The following SYNJ1 variants were observed in gnomAD, a reference collection of about 807,000 sequenced individuals.
The protein encoded by SYNJ1 is synaptojanin 1, also known as polyphosphatidylinositol phosphatase SYNJ1.
Under a neutral mutation model 168.2 loss-of-function variants are expected in SYNJ1, and 78 were observed. That is an observed-to-expected ratio of 0.46 (90% CI 0.39 to 0.56). The LOEUF (loss-of-function observed/expected upper bound fraction) is 0.56. SYNJ1 is among the 20% of genes least tolerant of loss of function. The pLI is 0.00. For synonymous variants in SYNJ1, 539 were observed against 548.6 expected, an observed-to-expected ratio of 0.98 and a Z score of 0.24; for missense variants, 1,303 against 1,597.6, an observed-to-expected ratio of 0.82 and a Z score of 3.14.
chr21:32,673,490 T>C lies in SYNJ1; in HGVS notation c.1576A>G (p.Lys526Glu). 6.2e-7 allele frequency: 1 copy of C among 1,613,328 alleles called. No individual in the cohort carries two copies. Residue 526 changes from lysine to glutamate, a missense_variant, in exon 14 of 33, where the codon AAA becomes GAA. By Grantham distance (56) the Lys-to-Glu change is moderately conservative. This residue lies in a region of SYNJ1 where 920 missense variants were observed against 1,208.8 expected (regional missense o/e 0.76). Coordinates refer to ENST00000674351, the MANE Select transcript of SYNJ1 (RefSeq NM_203446.3). ...VLKSMCENFY[K>E]YSKPKKIRVC... is the part of the protein sequence containing the mutation. ...CGAATTTTCTTAGGCTTTGAATATT[T>C]GTAGAAATTCTCACACATGCTCTTT...
intron 29 of SYNJ1, 128 bp from the exon 30 acceptor site, chr21:32,639,907 G>A (rs1474354537): frequency 4.3e-6 from 3 of 704,860 alleles, no homozygotes; most frequent in Non-Finnish European, 7.0e-6. Flanking sequence ...GTCATTTTAA[G>A]TGCTCTCTAC....
rs772929914 is a variant in SYNJ1, at chr21:32,631,095, G to A, written c.*710C>T. ...GCCGGGCGGGAGCAGAGGGACAGGA[G>A]GTGGAGGAGGTCTTCTTGACGGCAA... On this transcript the variant is annotated 3_prime_UTR_variant, in exon 33 of 33. Coordinates refer to ENST00000674351, the MANE Select transcript of SYNJ1 (RefSeq NM_203446.3). 1 of 1,614,196 alleles carries A rather than the reference G, an allele frequency of 6.2e-7. No homozygotes were observed. Among genetic ancestry groups the A allele is most frequent in the Admixed American group, 1.7e-5 (1 of 60,014 alleles).
chr21:32,633,428 C>T lies in SYNJ1; in HGVS notation c.*3+1433G>A, dbSNP rs1044390487. On this transcript the variant is annotated intron_variant, in intron 32 of 32. Transcript: ENST00000674351. ...CTCATAAGCAAATTAGCTTATCAGG[C>T]ATACATTATTAATTTTGAAAAAAAT... Among the ~76,000 whole-genome samples, 3 of 152,072 alleles carry T rather than the reference C, an allele frequency of 2.0e-5. No homozygotes were observed. The East Asian group carries it at 5.8e-4, about 29-fold the overall frequency.
At chr21:32,677,137 G>A (rs2041443521) in intron 12 of SYNJ1, among the ~76,000 whole-genome samples, 1 of 152,202 alleles carries the variant, frequency 6.6e-6, no homozygotes, top group African/African-American at 2.4e-5. Flanking sequence ...ATGTGAATGT[G>A]TATGGCTCAT....
intron 2 of SYNJ1, among the ~76,000 whole-genome samples, chr21:32,702,954 C>G (rs980771328): frequency 2.0e-5 from 3 of 152,234 alleles, no homozygotes; most frequent in Admixed American, 2.0e-4. Context: ...TTATTGCCAA[C>G]AAAAGGGCTC....
intron 2 of SYNJ1, 141 bp downstream of exon 2, chr21:32,726,631 T>C: frequency 8.9e-7 from 1 of 1,125,836 alleles, no homozygotes. Context: ...ATAAGTTTGA[T>C]TAAAAGGAAA....
Position 32,676,202 on chromosome 21 carries a change from T to G in SYNJ1, c.1534+130A>C, listed in dbSNP as rs141129889. 3.0e-5 allele frequency: 17 copies of G among 572,864 alleles called. No individual in the cohort carries two copies. In the East Asian group the frequency reaches 5.6e-4, roughly 19 times the overall value. The allele number at this position is 572,864 out of a possible 1,614,324, so 35.5% of individuals were successfully genotyped here. On this transcript the variant is annotated intron_variant, in intron 13 of 32. Transcript: ENST00000674351. ...TCTCAGATTAAAACAAGATATCAATTTATCCTGTTAGGATCTGATGGCAAA... is the reference window on the plus strand; with the variant it reads ...TCTCAGATTAAAACAAGATATCAATGTATCCTGTTAGGATCTGATGGCAAA...
At chr21:32,637,410 T>C (rs1017652390) in intron 31 of SYNJ1, among the ~76,000 whole-genome samples, 20 of 141,102 alleles carry the variant, frequency 1.4e-4, no homozygotes, top group South Asian at 7.0e-4. Context: ...TTTTTTCTTT[T>C]TTTTTTTTTT....
rs114295159 is a variant in SYNJ1, at chr21:32,717,767, C to T, written c.124+9005G>A. On this transcript the variant is annotated intron_variant, in intron 2 of 32. Coordinates refer to ENST00000674351, the MANE Select transcript of SYNJ1 (RefSeq NM_203446.3). ...ATCAACACTGAGCTGAAGTCTCAAACGGAGTCCTCTACAGATCTCTGGAGC... is the reference window on the plus strand; with the variant it reads ...ATCAACACTGAGCTGAAGTCTCAAATGGAGTCCTCTACAGATCTCTGGAGC... Among the ~76,000 whole-genome samples, 770 of 152,320 alleles carry T rather than the reference C, an allele frequency of 5.1e-3. 6 individuals carry two copies. Among genetic ancestry groups the T allele is most frequent in the African/African-American group, 0.017 (723 of 41,566 alleles).
intron 12 of SYNJ1, among the ~76,000 whole-genome samples, chr21:32,677,491 G>C (rs927242582): frequency 6.6e-6 from 1 of 152,058 alleles, no homozygotes; most frequent in African/African-American, 2.4e-5. Flanking sequence ...GATTACATAG[G>C]TCCCTTGTTT....
chr21:32,728,073 G>T (rs2122964237), upstream of SYNJ1: 1 of 1,521,082 alleles, frequency 6.6e-7, no homozygotes, highest in Non-Finnish European at 8.8e-7. Context: ...GATCCGCCCC[G>T]CGCGAGGGAA....
In SYNJ1 at chr21:32,634,928, C is replaced by T. The variant is rs557808251; in HGVS notation, c.3916-44G>A. The T allele has an allele frequency of 2.5e-6, 4 of 1,609,922 alleles. No individual in the cohort carries two copies. In the East Asian group the frequency reaches 8.9e-5, roughly 36 times the overall value. On this transcript the variant is annotated intron_variant, in intron 31 of 32. Coordinates refer to ENST00000674351, the MANE Select transcript of SYNJ1 (RefSeq NM_203446.3). ...ACATCAAAGGAAAGAGTTAGGAGGA[C>T]AATCCGAGATCAACCAGCAACCCTA...
chr21:32,665,944 A>T lies in SYNJ1; in HGVS notation c.2144T>A (p.Met715Lys), dbSNP rs746368700. ...CAAGAACAAGCAGCAAGAGCTTACCATAGGAAAACTCAATTTTCGTGCTAT... is the reference window on the plus strand; with the variant it reads ...CAAGAACAAGCAGCAAGAGCTTACCTTAGGAAAACTCAATTTTCGTGCTAT... Reference protein sequence around the residue: ...IEIARKLSFPMGRMLFSHDYV... With the variant: ...IEIARKLSFPKGRMLFSHDYV... Residue 715 changes from methionine to lysine, a missense_variant and splice_region_variant, in exon 17 of 33, where the codon ATG (methionine) becomes AAG (lysine). By Grantham distance (95) the Met-to-Lys change is moderately conservative. Transcript: ENST00000674351. 6.2e-7 allele frequency: 1 copy of T among 1,604,858 alleles called. No homozygotes were observed. The highest frequency in any genetic ancestry group is 8.5e-7 in the Non-Finnish European group (1 of 1,175,112).
At position 32,701,945 on chromosome 21, in the gene SYNJ1, TG is replaced by T. The variant is rs1023835521; in HGVS notation, c.211+15del. The T allele has an allele frequency of 3.3e-6, 5 of 1,508,358 alleles. No homozygotes were observed. The African/African-American group carries it at 6.9e-5, about 21-fold the overall frequency. 93.4% of individuals were successfully genotyped at this position (1,508,358 alleles called of 1,614,324 possible). On this transcript the variant is annotated intron_variant, in intron 3 of 32. Coordinates refer to ENST00000674351, the MANE Select transcript of SYNJ1 (RefSeq NM_203446.3). ...AAATGAAAAAATGGATGAATTCTAC[TG>T]AATGATAAACTTACCAAGATTTAAC... is the stretch of plus-strand genomic sequence containing the variant.
chr21:32,677,631 G>T (rs2041463746), intron 12 of SYNJ1, among the ~76,000 whole-genome samples: 1 of 152,136 alleles, frequency 6.6e-6, no homozygotes, highest in Non-Finnish European at 1.5e-5. Context: ...AAGCCAGGAA[G>T]AAAGCCTGAA....
intron 3 of SYNJ1, among the ~76,000 whole-genome samples, chr21:32,701,479 TG>T (rs2042397010): frequency 6.6e-6 from 1 of 151,522 alleles, no homozygotes; most frequent in Admixed American, 6.6e-5. Context: ...CACTTTGAGC[TG>T]CAAAATTACA....
At chr21:32,675,346 T>TA (rs2041363009) in intron 13 of SYNJ1, among the ~76,000 whole-genome samples, 1 of 152,142 alleles carries the variant, frequency 6.6e-6, no homozygotes, top group African/African-American at 2.4e-5. Context: ...AGTTTATTCT[T>TA]AACTGGTGCC....
intron 21 of SYNJ1, 124 bp downstream of exon 21, chr21:32,656,558 ATATAC>A (rs2040463253): frequency 2.7e-6 from 2 of 727,936 alleles, no homozygotes; most frequent in African/African-American, 3.6e-5. Context: ...AAAAATACTC[ATATAC>A]TAAACACTAA....
chr21:32,727,852 TGCGGAG>T, intron 1 of SYNJ1, 88 bp downstream of exon 1: 3 of 1,505,240 alleles, frequency 2.0e-6, no homozygotes, highest in Non-Finnish European at 2.6e-6. Flanking sequence ...CCGCTGACGC[TGCGGAG>T]GCAGAGACTG....
Sources: allele counts gnomAD v4.1 joint callset (sites outside exome capture counted in the v4.1 genomes callset), GRCh38; gene constraint gnomAD v4.1.1; regional missense constraint gnomAD v4.1.1; transcripts MANE v1.5; gene names NCBI Gene and HGNC (gene_info 2026-07-23, HGNC 2026-07-21).